Variants in JAKMIP2 observed in about 807,000 individuals in gnomAD.
JAKMIP2 encodes the protein janus kinase and microtubule interacting protein 2.
A neutral mutation model predicts 115.0 loss-of-function variants in JAKMIP2; 25 were observed. The ratio of observed to expected loss-of-function variants is 0.22; its 90% CI spans 0.16 to 0.30. The LOEUF is 0.30. Ranked by LOEUF, JAKMIP2 falls within the 10% of genes least tolerant of loss-of-function variation. The pLI is 1.00. For missense variants in JAKMIP2, 642 were observed against 957.6 expected (o/e 0.67, Z 4.35); for synonymous variants, 334 against 343.6 (o/e 0.97, Z 0.31).
intron 14 of JAKMIP2, among the ~76,000 whole-genome samples, chr5:147,630,533 C>T (rs58292951): frequency 0.063 from 9,617 of 152,122 alleles, 853 homozygotes; most frequent in African/African-American, 0.2. Context: ...ACAATATTAC[C>T]ACCAAAGTTT....
chr5:147,709,422 AC>A (rs1332257426), intron 1 of JAKMIP2, among the ~76,000 whole-genome samples: 6 of 152,208 alleles, frequency 3.9e-5, no homozygotes, highest in African/African-American at 7.2e-5. Flanking sequence ...ATCTATAAAA[AC>A]ACCTATATAA....
At chr5:147,754,177 G>C (rs12659905) in intron 1 of JAKMIP2, among the ~76,000 whole-genome samples, 1 of 152,060 alleles carries the variant, frequency 6.6e-6, no homozygotes, top group Non-Finnish European at 1.5e-5. Flanking sequence ...AAATGCTATC[G>C]TTGGCTTATC....
chr5:147,772,888 C>T (rs1755417212), intron 1 of JAKMIP2, among the ~76,000 whole-genome samples: 1 of 152,042 alleles, frequency 6.6e-6, no homozygotes, highest in Non-Finnish European at 1.5e-5. Context: ...GCTGTGAGAA[C>T]TGCAAAAACA....
chr5:147,673,993 T>C (rs1485887055), intron 1 of JAKMIP2, among the ~76,000 whole-genome samples: 1 of 152,126 alleles, frequency 6.6e-6, no homozygotes, highest in Non-Finnish European at 1.5e-5. Context: ...TGTATATACA[T>C]ACAACACCCC....
chr5:147,772,155 CA>C (rs1440329152), intron 1 of JAKMIP2, among the ~76,000 whole-genome samples: 1 of 151,786 alleles, frequency 6.6e-6, no homozygotes, highest in African/African-American at 2.4e-5. Flanking sequence ...AAGTATTAAA[CA>C]TATGTAAATT....
At chr5:147,752,323 TAA>T (rs1292066504) in intron 1 of JAKMIP2, among the ~76,000 whole-genome samples, 3 of 152,186 alleles carry the variant, frequency 2.0e-5, no homozygotes, top group Non-Finnish European at 2.9e-5. Flanking sequence ...CTGAGTACTG[TAA>T]ACTTAGTGCC....
chr5:147,701,446 G>A (rs1031059754), intron 1 of JAKMIP2, among the ~76,000 whole-genome samples: 9 of 152,238 alleles, frequency 5.9e-5, no homozygotes, highest in South Asian at 2.1e-4. Flanking sequence ...AAATTCATAC[G>A]TTGAAATCTA....
chr5:147,595,884 T>A (rs1755360137), intron 21 of JAKMIP2, among the ~76,000 whole-genome samples: 1 of 152,108 alleles, frequency 6.6e-6, no homozygotes, highest in Non-Finnish European at 1.5e-5. Flanking sequence ...AGAGTGACAT[T>A]AATTAAAAAA....
rs112348845 is a variant in JAKMIP2 at position 147,601,050 on chromosome 5, TA to T, written c.*20+690del. ...TTCAAGCTGAACGCAACACTAAAGATAACGTCATTATTTATTCACTTTGCAG... is the reference window on the plus strand; with the variant it reads ...TTCAAGCTGAACGCAACACTAAAGATACGTCATTATTTATTCACTTTGCAG... On this transcript the variant is annotated intron_variant, in intron 21 of 21. Transcript: ENST00000616793. Among the ~76,000 whole-genome samples the T allele has an allele frequency of 1.7e-4, 26 of 152,266 alleles. 1 individual carries two copies. The highest frequency in any genetic ancestry group is 5.8e-4 in the African/African-American group (24 of 41,570).
intron 12 of JAKMIP2, among the ~76,000 whole-genome samples, chr5:147,635,902 T>C (rs1440868558): frequency 1.3e-5 from 2 of 152,182 alleles, no homozygotes; most frequent in African/African-American, 4.8e-5. Context: ...ACACAGGATG[T>C]GCACGTGTGT....
At position 147,661,137 on chromosome 5, in the gene JAKMIP2, G is replaced by T; in HGVS notation, c.438C>A (p.Asp146Glu). 6.2e-7 allele frequency: 1 copy of T among 1,614,068 alleles called. No individual in the cohort carries two copies. Among genetic ancestry groups the T allele is most frequent in the South Asian group, 1.1e-5 (1 of 91,062 alleles). Residue 146 changes from aspartate (D) to glutamate (E), a missense_variant, in exon 3 of 22, where the codon GAC becomes GAA. Transcript: ENST00000616793. ...EAREEARKLFDTERLKLLQEI... is the reference protein window; with the variant it reads ...EAREEARKLFETERLKLLQEI... ...CCTGTAAGAGCTTAAGGCGCTCTGT[G>T]TCAAACAGTTTCCGGGCCTCCTCCC... is the stretch of plus-strand genomic sequence containing the variant.
chr5:147,609,502 C>T (rs1297438903), intron 20 of JAKMIP2, among the ~76,000 whole-genome samples: 5 of 152,082 alleles, frequency 3.3e-5, no homozygotes, highest in Non-Finnish European at 7.3e-5. Context: ...GAATATTGGC[C>T]CCTACTCTCT....
intron 20 of JAKMIP2, among the ~76,000 whole-genome samples, chr5:147,606,955 C>T (rs958729858): frequency 2.0e-5 from 3 of 152,114 alleles, no homozygotes; most frequent in Non-Finnish European, 2.9e-5. Context: ...AATGGGAGTT[C>T]ACTCATGATT....
chr5:147,754,896 G>C (rs961730755), intron 1 of JAKMIP2, among the ~76,000 whole-genome samples: 19 of 152,180 alleles, frequency 1.2e-4, no homozygotes, highest in Admixed American at 7.9e-4. Context: ...ATTGTGGTTT[G>C]AGGACTACAG....
rs567042711 is a variant in JAKMIP2 at position 147,736,298 on chromosome 5, A to G, written c.-149+46158T>C. Among the ~76,000 whole-genome samples, 17 of 151,480 alleles carry G rather than the reference A, an allele frequency of 1.1e-4. No individual in the cohort carries two copies. In the South Asian group the frequency reaches 3.5e-3, roughly 32 times the overall value. On this transcript the variant is annotated intron_variant, in intron 1 of 21. Transcript: ENST00000616793. ...TACTGAAACCCCGTCTCTATTAAGAATACAAAAAAAAAAATAGCTGCATGT... is the reference window on the plus strand; with the variant it reads ...TACTGAAACCCCGTCTCTATTAAGAGTACAAAAAAAAAAATAGCTGCATGT...
intron 1 of JAKMIP2, among the ~76,000 whole-genome samples, chr5:147,683,153 C>A (rs1399562598): frequency 6.6e-6 from 1 of 152,150 alleles, no homozygotes; most frequent in Non-Finnish European, 1.5e-5. Context: ...ATCAGAGCCC[C>A]CACCTGAGGC....
At chr5:147,660,388 T>C (rs1758894906) in intron 3 of JAKMIP2, 1 of 432,902 alleles carries the variant, frequency 2.3e-6, no homozygotes, top group Admixed American at 2.6e-5. Flanking sequence ...GACTCCTGTA[T>C]ACTTTGGGAA....
intron 19 of JAKMIP2, among the ~76,000 whole-genome samples, chr5:147,612,606 A>C (rs1464284536): frequency 6.6e-6 from 1 of 152,190 alleles, no homozygotes; most frequent in Non-Finnish European, 1.5e-5. Flanking sequence ...AATATTTGCC[A>C]CCTTTTCTAC....
At position 147,715,604 on chromosome 5, in the gene JAKMIP2, G is replaced by A. The variant is rs527422438; in HGVS notation, c.-148-43650C>T. The stretch of plus-strand genomic sequence containing the variant: ...TAATGATAAAATTCCATTTCTCCTC[G>A]GAAGACATGCCAATTCTAAATTTGT... On this transcript the variant is annotated intron_variant, in intron 1 of 21. Transcript: ENST00000616793. Among the ~76,000 whole-genome samples the A allele has an allele frequency of 2.0e-4, 30 of 151,436 alleles. No individual in the cohort carries two copies. In the South Asian group the frequency reaches 6.0e-3, roughly 30 times the overall value.
Sources: gnomAD v4.1 joint callset for allele counts (sites outside exome capture counted in the v4.1 genomes callset) on GRCh38, gnomAD v4.1.1 for gene constraint, MANE v1.5 for transcripts, NCBI Gene and HGNC (gene_info 2026-07-23, HGNC 2026-07-21) for gene names.